TMEM178B: variants seen among roughly 807,000 people sequenced by gnomAD.
TMEM178B encodes the protein transmembrane protein 178B.
A neutral mutation model predicts 31.0 loss-of-function variants in TMEM178B; 5 were observed. The observed-to-expected ratio is 0.16, with a 90% confidence interval of 0.08 to 0.34. The LOEUF (loss-of-function observed/expected upper bound fraction) is 0.34, where lower values mean the gene tolerates loss of function less well. Among genes scored for constraint, TMEM178B ranks in the 10% least tolerant of loss-of-function variants. TMEM178B has a pLI of 1.00. For missense variants in TMEM178B, 275 were observed against 400.3 expected (o/e 0.69, Z 2.67); for synonymous variants, 164 against 164.0 (o/e 1.00, Z 0.00).
chr7:141,425,429 A>G lies in TMEM178B; in HGVS notation c.497-12179A>G, dbSNP rs1020048225. On this transcript the variant is annotated intron_variant, in intron 2 of 3. Coordinates refer to ENST00000565468, the MANE Select transcript of TMEM178B (RefSeq NM_001195278.2). ...AATGGAAGCTTCTTTGGGGTGGGGT[A>G]GCAGATTGTACCAACCTAGTTTGTC... 2.6e-5 allele frequency among the ~76,000 whole-genome samples: 4 copies of G among 152,310 alleles called. No individual in the cohort carries two copies. The East Asian group carries it at 5.8e-4, about 22-fold the overall frequency.
chr7:141,335,708 A>G (rs1191327887), intron 2 of TMEM178B, among the ~76,000 whole-genome samples: 1 of 152,096 alleles, frequency 6.6e-6, no homozygotes, highest in African/African-American at 2.4e-5. Context: ...GGCATCACAG[A>G]TGTGTTCATA....
intron 1 of TMEM178B, among the ~76,000 whole-genome samples, chr7:141,108,746 G>GT (rs1330172300): frequency 6.6e-6 from 1 of 152,164 alleles, no homozygotes; most frequent in African/African-American, 2.4e-5. Flanking sequence ...ATGATTGTGT[G>GT]TTTTTTCTCT....
At chr7:141,399,257 C>G (rs1285620280) in intron 2 of TMEM178B, among the ~76,000 whole-genome samples, 1 of 152,202 alleles carries the variant, frequency 6.6e-6, no homozygotes, top group Non-Finnish European at 1.5e-5. Flanking sequence ...TCTCCTTATA[C>G]CTGGACTTTG....
In TMEM178B at chr7:141,461,868, G is replaced by A. The variant is rs1802065333; in HGVS notation, c.635-8668G>A. On this transcript the variant is annotated intron_variant, in intron 3 of 3. Transcript: ENST00000565468. This position sits in a 1 kb window ranked among gnomAD's most constrained non-coding sequence, Gnocchi z 4.0. ...ATTTTGGTCATTAACCTTTAAGGTGGTACTAGGAAAGAGCCAATATTGAGT... is the reference window on the plus strand; with the variant it reads ...ATTTTGGTCATTAACCTTTAAGGTGATACTAGGAAAGAGCCAATATTGAGT... 6.6e-6 allele frequency among the ~76,000 whole-genome samples: 1 copy of A among 152,178 alleles called. No individual in the cohort carries two copies. Among genetic ancestry groups the A allele is most frequent in the Admixed American group, 6.5e-5 (1 of 15,286 alleles).
At chr7:141,166,320 A>G (rs1322283508) in intron 1 of TMEM178B, among the ~76,000 whole-genome samples, 1 of 152,140 alleles carries the variant, frequency 6.6e-6, no homozygotes, top group Non-Finnish European at 1.5e-5. Flanking sequence ...GTCCTGCTGG[A>G]TTTATTTGAT....
At chr7:141,178,390 C>T (rs1387729882) in intron 1 of TMEM178B, among the ~76,000 whole-genome samples, 2 of 152,114 alleles carry the variant, frequency 1.3e-5, no homozygotes, top group Non-Finnish European at 1.5e-5. Context: ...GACATAGAAG[C>T]GTTTTAGCAC....
intron 1 of TMEM178B, among the ~76,000 whole-genome samples, chr7:141,166,290 G>A (rs1796259487): frequency 6.6e-6 from 1 of 152,212 alleles, no homozygotes; most frequent in Non-Finnish European, 1.5e-5. Context: ...CAGGTGCTAA[G>A]AGGTCATCAG....
At chr7:141,434,677 T>C (rs1210331036) in intron 2 of TMEM178B, among the ~76,000 whole-genome samples, 1 of 152,248 alleles carries the variant, frequency 6.6e-6, no homozygotes, top group Non-Finnish European at 1.5e-5. Context: ...ACAATACATT[T>C]TTGCTAACTG....
At chr7:141,199,531 T>G (rs1796841616) in intron 1 of TMEM178B, among the ~76,000 whole-genome samples, 1 of 152,200 alleles carries the variant, frequency 6.6e-6, no homozygotes, top group African/African-American at 2.4e-5. Context: ...TCTCTCTTTA[T>G]TCCTCGCTTA....
rs1164593446 is a variant in TMEM178B, at chr7:141,324,441, T to G, written c.496+111737T>G. On this transcript the variant is annotated intron_variant, in intron 2 of 3. Transcript: ENST00000565468. Reference sequence around the variant, plus strand: ...GTTTTTTTTTTTTTTTTTTTTTTTTTTTTTTTTTTTTTCCTGAGCGATTGA... The same window carrying G: ...GTTTTTTTTTTTTTTTTTTTTTTTTGTTTTTTTTTTTTCCTGAGCGATTGA... Among the ~76,000 whole-genome samples the G allele has an allele frequency of 5.1e-3, 598 of 116,904 alleles. 10 individuals carry two copies. The highest frequency in any genetic ancestry group is 0.015 in the African/African-American group (535 of 34,716). 76.7% of individuals were successfully genotyped at this position (116,904 alleles called of 152,430 possible). A position where few individuals can be genotyped will look rare whatever the true frequency, so the allele number is the denominator to read the frequency against.
chr7:141,250,187 T>G (rs1395018845), intron 2 of TMEM178B, among the ~76,000 whole-genome samples: 1 of 152,172 alleles, frequency 6.6e-6, no homozygotes, highest in Non-Finnish European at 1.5e-5. Context: ...AACTAGCTAG[T>G]TTTATAGATG....
At chr7:141,190,910 CT>C (rs1008304170) in intron 1 of TMEM178B, among the ~76,000 whole-genome samples, 1 of 151,964 alleles carries the variant, frequency 6.6e-6, no homozygotes, top group Non-Finnish European at 1.5e-5. Flanking sequence ...ACCTCTTTCC[CT>C]TTTTTTTACA....
At chr7:141,371,303 A>C (rs1800111275) in intron 2 of TMEM178B, among the ~76,000 whole-genome samples, 1 of 151,926 alleles carries the variant, frequency 6.6e-6, no homozygotes, top group Non-Finnish European at 1.5e-5. Context: ...TGGTAAAAAA[A>C]AAAGCCTGAT....
intron 2 of TMEM178B, among the ~76,000 whole-genome samples, chr7:141,322,194 C>T (rs1391744412): frequency 5.3e-5 from 8 of 151,810 alleles, no homozygotes; most frequent in Admixed American, 1.3e-4. Flanking sequence ...ATCACAATGC[C>T]GAGGAGTATA....
At chr7:141,426,807 T>C (rs1801326076) in intron 2 of TMEM178B, among the ~76,000 whole-genome samples, 1 of 152,108 alleles carries the variant, frequency 6.6e-6, no homozygotes, top group Non-Finnish European at 1.5e-5. Context: ...AAACACTCCA[T>C]TAAAAAGCTA....
intron 1 of TMEM178B, among the ~76,000 whole-genome samples, chr7:141,211,167 G>A (rs1201663148): frequency 6.6e-6 from 1 of 152,158 alleles, no homozygotes; most frequent in African/African-American, 2.4e-5. Flanking sequence ...TGCTTAGGGG[G>A]AATGCTGGGG....
At chr7:141,355,503 C>T (rs1799803820) in intron 2 of TMEM178B, among the ~76,000 whole-genome samples, 2 of 152,094 alleles carry the variant, frequency 1.3e-5, no homozygotes, top group Admixed American at 1.3e-4. Flanking sequence ...GCCAATTCTT[C>T]AGTGAGGTGG....
intron 1 of TMEM178B, among the ~76,000 whole-genome samples, chr7:141,168,790 G>A (rs1014543685): frequency 6.6e-6 from 1 of 152,002 alleles, no homozygotes; most frequent in Non-Finnish European, 1.5e-5. Context: ...AGAAAAAAAA[G>A]AAGATGATTC....
intron 1 of TMEM178B, among the ~76,000 whole-genome samples, chr7:141,175,036 C>T (rs1332712057): frequency 1.3e-5 from 2 of 152,144 alleles, no homozygotes; most frequent in East Asian, 3.9e-4. Context: ...AGTCTTTGCC[C>T]ATGCCTATGT....
Sources: allele counts gnomAD v4.1 joint callset (sites outside exome capture counted in the v4.1 genomes callset), GRCh38; gene constraint gnomAD v4.1.1; non-coding constraint Gnocchi (gnomAD v3.1); transcripts MANE v1.5; gene names NCBI Gene and HGNC (gene_info 2026-07-23, HGNC 2026-07-21).